PCDHB4: variants seen among roughly 807,000 people sequenced by gnomAD.
The protein encoded by PCDHB4 is protocadherin beta-4.
For synonymous variants in PCDHB4, 482 were observed against 447.3 expected, an observed-to-expected ratio of 1.08 and a Z score of -0.98; for missense variants, 1,063 against 1,007.0, an observed-to-expected ratio of 1.06 and a Z score of -0.75.
At position 141,123,678 on chromosome 5, in the gene PCDHB4, G is replaced by A. The variant is rs370043358; in HGVS notation, c.1680G>A (p.Val560=). ...VLDTNDNSPF[V]LYPLQNGSAP... ...ACACCAACGACAACTCGCCCTTCGT[G>A]CTGTACCCGCTGCAGAATGGCTCCG... The change falls in exon 1 of 1, where the codon GTG becomes GTA. Residue 560 remains valine (V), a synonymous_variant. Coordinates refer to ENST00000194152, the MANE Select transcript of PCDHB4 (RefSeq NM_018938.4). 2 of 1,611,184 alleles carry A rather than the reference G, an allele frequency of 1.2e-6. No individual in the cohort carries two copies. Among genetic ancestry groups the A allele is most frequent in the Non-Finnish European group, 8.5e-7 (1 of 1,179,590 alleles).
At position 141,122,730 on chromosome 5, in the gene PCDHB4, T is replaced by C. The variant is rs1554274388; in HGVS notation, c.732T>C (p.Thr244=). 2 of 1,613,798 alleles carry C rather than the reference T, an allele frequency of 1.2e-6. No individual in the cohort carries two copies. The highest frequency in any genetic ancestry group is 2.7e-5 in the African/African-American group (2 of 74,914). The change falls in exon 1 of 1, where the codon ACT becomes ACC. Residue 244 remains threonine, a synonymous_variant. Transcript: ENST00000194152. ...ACAATGCTCCTGAGTTTGTGCACAC[T>C]CCATATGGGGTGCAGGTCCTGGAAA... ...INDNAPEFVH[T]PYGVQVLENS...
rs961609774 is a variant in PCDHB4 at position 141,124,450 on chromosome 5, A to G, written c.*64A>G. The G allele has an allele frequency of 1.5e-6, 2 of 1,317,902 alleles. No homozygotes were observed. Among genetic ancestry groups the G allele is most frequent in the Admixed American group, 2.5e-5 (1 of 39,980 alleles). The allele number at this position is 1,317,902 out of a possible 1,614,324, so 81.6% of individuals were successfully genotyped here. A position where few individuals can be genotyped will look rare whatever the true frequency, so the allele number is the denominator to read the frequency against. On this transcript the variant is annotated 3_prime_UTR_variant, in exon 1 of 1. Transcript: ENST00000194152. ...TCAAACTTCCCACTGCAATGCCTTT[A>G]TTTAAAAAAATTGTCTACTTATCTA... is the stretch of plus-strand genomic sequence containing the variant.
chr5:141,121,869 C>A lies in PCDHB4; in HGVS notation c.-130C>A. 1.5e-6 allele frequency: 1 copy of A among 651,686 alleles called. No individual in the cohort carries two copies. The highest frequency in any genetic ancestry group is 2.6e-6 in the Non-Finnish European group (1 of 378,332). 40.4% of individuals were successfully genotyped at this position (651,686 alleles called of 1,614,324 possible). A position where few individuals can be genotyped will look rare whatever the true frequency, so the allele number is the denominator to read the frequency against. On this transcript the variant is annotated 5_prime_UTR_variant, in exon 1 of 1. Transcript: ENST00000194152. ...CAGGTTTACCAACGGCTTGGGGCAG[C>A]GATATACTAAACAAATTTAATATTA...
In PCDHB4 at chr5:141,123,022, A is replaced by G. The variant is rs1481558805; in HGVS notation, c.1024A>G (p.Asn342Asp). The G allele has an allele frequency of 3.1e-6, 5 of 1,613,926 alleles. No homozygotes were observed. The highest frequency in any genetic ancestry group is 1.3e-5 in the African/African-American group (1 of 74,908). Residue 342 changes from asparagine (N) to aspartate (D), a missense_variant, in exon 1 of 1, where the codon AAT becomes GAT. Coordinates refer to ENST00000194152, the MANE Select transcript of PCDHB4 (RefSeq NM_018938.4). ...VVIEVVDVND[N>D]PPELIISSLT... ...CATAGAGGTGGTGGATGTGAATGAC[A>G]ATCCCCCAGAACTTATCATATCTTC...
At position 141,125,358 on chromosome 5, in the gene PCDHB4, A is replaced by G. The variant is rs1436496086; in HGVS notation, c.*972A>G. On this transcript the variant is annotated 3_prime_UTR_variant, in exon 1 of 1. Transcript: ENST00000194152. ...TCCCCATCTTTCAAAAGAATCACGA[A>G]ATTTCTTCTGCACCTTGGCTATTCT... 10 of 152,116 alleles carry G rather than the reference A, an allele frequency of 6.6e-5. No homozygotes were observed. Among genetic ancestry groups the G allele is most frequent in the Non-Finnish European group, 7.4e-5 (5 of 68,002 alleles). 9.4% of individuals were successfully genotyped at this position (152,116 alleles called of 1,614,324 possible). A position where few individuals can be genotyped will look rare whatever the true frequency, so the allele number is the denominator to read the frequency against.
rs551402958 is a variant in PCDHB4 at position 141,121,958 on chromosome 5, C to A, written c.-41C>A. ...GAATTGAATGTCTCAAGTCTCGTTG[C>A]GGTTGCTGAGGGGATTGGATATAGG... is the stretch of plus-strand genomic sequence containing the variant. On this transcript the variant is annotated 5_prime_UTR_variant, in exon 1 of 1. Coordinates refer to ENST00000194152, the MANE Select transcript of PCDHB4 (RefSeq NM_018938.4). The A allele has an allele frequency of 2.9e-6, 4 of 1,366,648 alleles. No individual in the cohort carries two copies. In the South Asian group the frequency reaches 4.3e-5, roughly 15 times the overall value. 84.7% of individuals were successfully genotyped at this position (1,366,648 alleles called of 1,614,324 possible).
chr5:141,122,078 T>C lies in PCDHB4; in HGVS notation c.80T>C (p.Leu27Pro). Reference protein sequence around the residue: ...ILMVFLSQVRLEPIRYSVLEE... With the variant: ...ILMVFLSQVRPEPIRYSVLEE... The stretch of plus-strand genomic sequence containing the variant: ...ATGGTGTTCTTGTCTCAGGTTCGCC[T>C]CGAGCCTATTCGTTATTCTGTGTTG... Residue 27 changes from leucine (L) to proline (P), a missense_variant, in exon 1 of 1, where the codon CTC becomes CCC. Physicochemically the swap from Leu to Pro is moderately conservative, Grantham distance 98 (BLOSUM62 -3). Coordinates refer to ENST00000194152, the MANE Select transcript of PCDHB4 (RefSeq NM_018938.4). The C allele has an allele frequency of 6.2e-7, 1 of 1,614,160 alleles. No individual in the cohort carries two copies. The highest frequency in any genetic ancestry group is 1.3e-5 in the African/African-American group (1 of 75,056).
chr5:141,123,150 T>A lies in PCDHB4; in HGVS notation c.1152T>A (p.Ile384=). The change falls in exon 1 of 1, where the codon ATT becomes ATA. Residue 384 remains isoleucine (I), a synonymous_variant. Coordinates refer to ENST00000194152, the MANE Select transcript of PCDHB4 (RefSeq NM_018938.4). ...SGENGKMICS[I]PDNLPFILKP... is the part of the protein sequence containing the mutation. ...AAAATGGAAAGATGATTTGCTCTAT[T>A]CCAGATAATCTACCGTTTATTCTAA... 6.2e-7 allele frequency: 1 copy of A among 1,614,144 alleles called. No individual in the cohort carries two copies.
rs140450935 is a variant in PCDHB4, at chr5:141,123,428, G to C, written c.1430G>C (p.Arg477Thr). The change falls in exon 1 of 1, where the codon AGA (arginine) becomes ACA (threonine). Residue 477 changes from arginine to threonine, a missense_variant. Transcript: ENST00000194152. ...ATCGGCAGTGTCAGCGCCACAGACA[G>C]AGACTCGGGCACCAACGCCCAGGTC... Reference protein sequence around the residue: ...LHIGSVSATDRDSGTNAQVTY... With the variant: ...LHIGSVSATDTDSGTNAQVTY... 2.5e-6 allele frequency: 4 copies of C among 1,613,146 alleles called. No individual in the cohort carries two copies. In the African/African-American group the frequency reaches 4.0e-5, roughly 16 times the overall value.
chr5:141,124,504 T>A lies in PCDHB4; in HGVS notation c.*118T>A, dbSNP rs565638147. On this transcript the variant is annotated 3_prime_UTR_variant, in exon 1 of 1. Coordinates refer to ENST00000194152, the MANE Select transcript of PCDHB4 (RefSeq NM_018938.4). ...ATTCATACCACAATTTCAAACCTAC[T>A]CATGTCCCTGATAAAGCTAAATTTG... 4 of 894,724 alleles carry A rather than the reference T, an allele frequency of 4.5e-6. No homozygotes were observed. The highest frequency in any genetic ancestry group is 6.6e-6 in the Non-Finnish European group (4 of 604,460). The allele number at this position is 894,724 out of a possible 1,614,324, so 55.4% of individuals were successfully genotyped here. A position where few individuals can be genotyped will look rare whatever the true frequency, so the allele number is the denominator to read the frequency against.
At position 141,124,460 on chromosome 5, in the gene PCDHB4, A is replaced by T; in HGVS notation, c.*74A>T. ...CACTGCAATGCCTTTATTTAAAAAA[A>T]TTGTCTACTTATCTAAATATTCATA... is the stretch of plus-strand genomic sequence containing the variant. On this transcript the variant is annotated 3_prime_UTR_variant, in exon 1 of 1. Coordinates refer to ENST00000194152, the MANE Select transcript of PCDHB4 (RefSeq NM_018938.4). 1 of 1,254,474 alleles carries T rather than the reference A, an allele frequency of 8.0e-7. No homozygotes were observed. The highest frequency in any genetic ancestry group is 1.6e-5 in the South Asian group (1 of 63,996). 77.7% of individuals were successfully genotyped at this position (1,254,474 alleles called of 1,614,324 possible).
rs377174176 is a variant in PCDHB4, at chr5:141,122,202, C to T, written c.204C>T (p.Asp68=). 1.9e-6 allele frequency: 3 copies of T among 1,614,046 alleles called. No homozygotes were observed. The highest frequency in any genetic ancestry group is 4.5e-5 in the East Asian group (2 of 44,890). The change falls in exon 1 of 1, where the codon GAC becomes GAT. Residue 68 remains aspartate, a synonymous_variant. Coordinates refer to ENST00000194152, the MANE Select transcript of PCDHB4 (RefSeq NM_018938.4). ...CCCGGTCAGCCCGGGTGCTGTCTGA[C>T]GATGACAAGCAGCGTTTGCAGCTGG... ...LASRSARVLS[D]DDKQRLQLDR... is the part of the protein sequence containing the mutation.
Position 141,122,792 on chromosome 5 carries a change from C to T in PCDHB4, c.794C>T (p.Ala265Val). The part of the protein sequence containing the change: ...PLDSPIVRVL[A>V]RDIDAGNFGS... ...GACTCTCCAATTGTTAGGGTCTTAG[C>T]TAGAGATATAGATGCTGGAAACTTC... is the stretch of plus-strand genomic sequence containing the variant. Residue 265 changes from alanine to valine, a missense_variant, in exon 1 of 1, where the codon GCT becomes GTT. Ala to Val is a moderately conservative substitution (Grantham distance 64). Transcript: ENST00000194152. 1.2e-6 allele frequency: 2 copies of T among 1,614,082 alleles called. No individual in the cohort carries two copies. Among genetic ancestry groups the T allele is most frequent in the African/African-American group, 2.7e-5 (2 of 75,032 alleles).
At position 141,123,645 on chromosome 5, in the gene PCDHB4, G is replaced by A; in HGVS notation, c.1647G>A (p.Leu549=). Residue 549 remains leucine, a synonymous_variant, in exon 1 of 1, where the codon CTG becomes CTA. Transcript: ENST00000194152. ...ALSSEALVRV[L]VLDTNDNSPF... ...GCAGCGAGGCGCTGGTGCGCGTGCT[G>A]GTGCTGGACACCAACGACAACTCGC... The A allele has an allele frequency of 6.2e-7, 1 of 1,611,730 alleles. No homozygotes were observed. Among genetic ancestry groups the A allele is most frequent in the Non-Finnish European group, 8.5e-7 (1 of 1,179,626 alleles).
rs529745871 is a variant in PCDHB4, at chr5:141,123,314, A to T, written c.1316A>T (p.Gln439Leu). 3.7e-6 allele frequency: 6 copies of T among 1,614,202 alleles called. No homozygotes were observed. Among genetic ancestry groups the T allele is most frequent in the Admixed American group, 1.7e-5 (1 of 60,030 alleles). The change falls in exon 1 of 1, where the codon CAG (glutamine) becomes CTG (leucine). Residue 439 changes from glutamine to leucine, a missense_variant. Transcript: ENST00000194152. The part of the protein sequence containing the change: ...RLKTQQNITV[Q>L]VSDVNDNAPA... Reference sequence around the variant, plus strand: ...AAAACCCAGCAGAACATAACCGTGCAGGTCTCCGACGTCAATGACAACGCC... The same window carrying T: ...AAAACCCAGCAGAACATAACCGTGCTGGTCTCCGACGTCAATGACAACGCC...
rs550996821 is a variant in PCDHB4 at position 141,123,935 on chromosome 5, A to G, written c.1937A>G (p.Asn646Ser). Residue 646 changes from asparagine (N) to serine (S), a missense_variant, in exon 1 of 1, where the codon AAT (asparagine) becomes AGT (serine). Transcript: ENST00000194152. ...KHRLVVLVKD[N>S]GEPPRSATAT... ...AGGCTCGTGGTGCTTGTCAAGGACA[A>G]TGGCGAGCCTCCGCGCTCGGCCACC... The G allele has an allele frequency of 8.7e-6, 14 of 1,605,198 alleles. No homozygotes were observed. The highest frequency in any genetic ancestry group is 1.3e-5 in the African/African-American group (1 of 74,988).
At position 141,124,711 on chromosome 5, in the gene PCDHB4, A is replaced by C; in HGVS notation, c.*325A>C. Reference sequence around the variant, plus strand: ...TAAATTAACATCTTTTTAATGGAACATTTAAGTGAATATATGAATATTGAA... The same window carrying C: ...TAAATTAACATCTTTTTAATGGAACCTTTAAGTGAATATATGAATATTGAA... On this transcript the variant is annotated 3_prime_UTR_variant, in exon 1 of 1. Coordinates refer to ENST00000194152, the MANE Select transcript of PCDHB4 (RefSeq NM_018938.4). 2 of 190,144 alleles carry C rather than the reference A, an allele frequency of 1.1e-5. No homozygotes were observed. Among genetic ancestry groups the C allele is most frequent in the Non-Finnish European group, 2.2e-5 (2 of 92,636 alleles). The allele number at this position is 190,144 out of a possible 1,614,324, so 11.8% of individuals were successfully genotyped here. A position where few individuals can be genotyped will look rare whatever the true frequency, so the allele number is the denominator to read the frequency against.
In PCDHB4 at chr5:141,122,475, G is replaced by C. The variant is rs1220926413; in HGVS notation, c.477G>C (p.Leu159Phe). Residue 159 changes from leucine (L) to phenylalanine (F), a missense_variant, in exon 1 of 1, where the codon TTG becomes TTC. Leu to Phe is a conservative substitution (Grantham distance 22). Coordinates refer to ENST00000194152, the MANE Select transcript of PCDHB4 (RefSeq NM_018938.4). ...TLFPLLIAED[L>F]DVGSNGLQKY... ...TTCCGTTGCTAATAGCTGAGGATTT[G>C]GATGTGGGCAGCAATGGTCTTCAAA... 1.2e-6 allele frequency: 2 copies of C among 1,614,098 alleles called. No homozygotes were observed. Among genetic ancestry groups the C allele is most frequent in the Non-Finnish European group, 1.7e-6 (2 of 1,180,038 alleles).
At position 141,125,126 on chromosome 5, in the gene PCDHB4, T is replaced by C. The variant is rs1184836998; in HGVS notation, c.*740T>C. On this transcript the variant is annotated 3_prime_UTR_variant, in exon 1 of 1. Coordinates refer to ENST00000194152, the MANE Select transcript of PCDHB4 (RefSeq NM_018938.4). ...GAGAAAAATCTCATATAATTTGTCA[T>C]AACCTTTCAATAAATAAAACTGTTA... The C allele has an allele frequency of 6.6e-6, 1 of 152,110 alleles. No homozygotes were observed. The highest frequency in any genetic ancestry group is 1.5e-5 in the Non-Finnish European group (1 of 67,996). The allele number at this position is 152,110 out of a possible 1,614,324, so 9.4% of individuals were successfully genotyped here. A position where few individuals can be genotyped will look rare whatever the true frequency, so the allele number is the denominator to read the frequency against.
Sources: gnomAD v4.1 joint callset for allele counts on GRCh38, gnomAD v4.1.1 for gene constraint, MANE v1.5 for transcripts, NCBI Gene and HGNC (gene_info 2026-07-23, HGNC 2026-07-21) for gene names.